Variants in FARP2 observed in about 807,000 individuals in gnomAD.
The protein encoded by FARP2 is FERM, ARH/RhoGEF and pleckstrin domain protein 2.
FARP2 carries 111 observed loss-of-function variants against 130.5 expected under a neutral mutation model. The observed-to-expected ratio is 0.85, with a 90% confidence interval of 0.73 to 1.00. The LOEUF (loss-of-function observed/expected upper bound fraction) is 1.00. FARP2 is among the 50% of genes least tolerant of loss of function. FARP2 has a pLI of 0.00. For missense variants in FARP2, 1,385 were observed against 1,346.3 expected, an observed-to-expected ratio of 1.03 and a Z score of -0.45; for synonymous variants, 504 against 516.9, an observed-to-expected ratio of 0.98 and a Z score of 0.34.
At chr2:241,363,835 C>G (rs935370812) in intron 1 of FARP2, among the ~76,000 whole-genome samples, 1 of 152,214 alleles carries the variant, frequency 6.6e-6, no homozygotes. Context: ...TCAAGAGTCT[C>G]TAAGAGTGTG....
intron 13 of FARP2, chr2:241,445,244 C>CA (rs35639773): frequency 0.36 from 36,903 of 103,082 alleles, 6,561 homozygotes; most frequent in South Asian, 0.51. Flanking sequence ...GGCCCTGTCT[C>CA]AAAAAAAAAA....
At chr2:241,411,241 A>G (rs1032332171) in intron 6 of FARP2, 111 bp downstream of exon 6, 6 of 724,038 alleles carry the variant, frequency 8.3e-6, no homozygotes, top group East Asian at 2.8e-5. Flanking sequence ...GAGCCTGACC[A>G]TAGAATGAGG....
intron 18 of FARP2, 119 bp downstream of exon 18, chr2:241,468,496 G>C (rs1229127005): frequency 9.7e-6 from 7 of 724,124 alleles, no homozygotes; most frequent in Non-Finnish European, 1.2e-5. Context: ...ACCCCATTAG[G>C]GCCTGGACCA....
chr2:241,380,255 C>G (rs766779108), intron 2 of FARP2, among the ~76,000 whole-genome samples: 6 of 152,182 alleles, frequency 3.9e-5, no homozygotes, highest in Non-Finnish European at 5.9e-5. Context: ...CACCTGGACT[C>G]GCACACCATT....
At chr2:241,460,600 T>C (rs898475472) in intron 14 of FARP2, among the ~76,000 whole-genome samples, 1 of 152,100 alleles carries the variant, frequency 6.6e-6, no homozygotes, top group African/African-American at 2.4e-5. Context: ...TGTAAAGAGA[T>C]TTTACTGAAT....
intron 2 of FARP2, among the ~76,000 whole-genome samples, chr2:241,387,721 A>G (rs1451371394): frequency 3.5e-5 from 5 of 143,048 alleles, no homozygotes; most frequent in African/African-American, 1.3e-4. Context: ...TGAACCCGGG[A>G]GGCGGAGCTT....
At chr2:241,456,489 C>T (rs943431623) in intron 13 of FARP2, 2 of 408,794 alleles carry the variant, frequency 4.9e-6, no homozygotes, top group Non-Finnish European at 8.7e-6. Context: ...TATCCAGGCC[C>T]CCCTAGAGTC....
intron 19 of FARP2, among the ~76,000 whole-genome samples, chr2:241,481,078 A>G (rs1429688615): frequency 6.9e-6 from 1 of 145,574 alleles, no homozygotes; most frequent in Non-Finnish European, 1.5e-5. Flanking sequence ...AAAAAAAAAA[A>G]AAATTCCTGG....
At chr2:241,461,447 T>A (rs574264626) in intron 14 of FARP2, among the ~76,000 whole-genome samples, 4 of 152,280 alleles carry the variant, frequency 2.6e-5, no homozygotes, top group African/African-American at 9.6e-5. Context: ...ACCAATAGCC[T>A]GTCTATTCCC....
At position 241,413,347 on chromosome 2, in the gene FARP2, C is replaced by T. The variant is rs145520990; in HGVS notation, c.549C>T (p.His183=). 6.2e-7 allele frequency: 1 copy of T among 1,612,326 alleles called. No homozygotes were observed. The highest frequency in any genetic ancestry group is 1.3e-5 in the African/African-American group (1 of 74,874). The part of the protein sequence containing the change: ...GDYDETLDRE[H]LKVNEYLPGQ... ...ACGATGAAACGCTGGACCGAGAGCA[C>T]CTCAAAGTGAACGAGTATTTGCCTG... Residue 183 remains histidine (H), a synonymous_variant, in exon 7 of 27, where the codon CAC becomes CAT. Transcript: ENST00000264042.
intron 8 of FARP2, among the ~76,000 whole-genome samples, chr2:241,425,354 T>TTA (rs1236435976): frequency 6.6e-6 from 1 of 151,952 alleles, no homozygotes; most frequent in Non-Finnish European, 1.5e-5. Context: ...ACTGAAAAGC[T>TTA]TATGCACAGC....
intron 17 of FARP2, among the ~76,000 whole-genome samples, chr2:241,464,493 A>G (rs1006770859): frequency 1.7e-5 from 2 of 118,134 alleles, no homozygotes; most frequent in Non-Finnish European, 3.8e-5. Flanking sequence ...AACAGAGTCC[A>G]TCTCAGAACA....
intron 1 of FARP2, among the ~76,000 whole-genome samples, chr2:241,361,612 G>C (rs540294181): frequency 6.6e-6 from 1 of 152,144 alleles, no homozygotes; most frequent in Non-Finnish European, 1.5e-5. Context: ...ACTCTGCTTA[G>C]GGCCTTTCTC....
intron 1 of FARP2, among the ~76,000 whole-genome samples, chr2:241,362,496 G>C (rs1291501527): frequency 2.6e-5 from 4 of 152,032 alleles, no homozygotes; most frequent in Admixed American, 2.6e-4. Flanking sequence ...CAACTACTCG[G>C]GAGGCTGAGG....
chr2:241,466,048 T>C lies in FARP2; in HGVS notation c.1893+2068T>C, dbSNP rs1427896352. The stretch of plus-strand genomic sequence containing the variant: ...GATCCAGATTATCATACTGTAGTCA[T>C]CTTTAATGTTCATTAAAACAAAGGG... On this transcript the variant is annotated intron_variant, in intron 17 of 26. Transcript: ENST00000264042. 5.7e-6 allele frequency: 7 copies of C among 1,225,514 alleles called. No individual in the cohort carries two copies. In the African/African-American group the frequency reaches 1.1e-4, roughly 19 times the overall value. The allele number at this position is 1,225,514 out of a possible 1,614,324, so 75.9% of individuals were successfully genotyped here.
intron 13 of FARP2, among the ~76,000 whole-genome samples, chr2:241,453,478 C>CGGGTGT (rs2063735015): frequency 6.6e-6 from 1 of 151,464 alleles, no homozygotes; most frequent in Non-Finnish European, 1.5e-5. Flanking sequence ...AAAAATTAGC[C>CGGGTGT]AGGCATGGTG....
At chr2:241,455,120 A>G (rs1219338665) in intron 13 of FARP2, among the ~76,000 whole-genome samples, 1 of 152,228 alleles carries the variant, frequency 6.6e-6, no homozygotes, top group African/African-American at 2.4e-5. Context: ...GGTTAAGTGA[A>G]CCAAGTTTGG....
At chr2:241,478,854 C>T in intron 19 of FARP2, 1 of 382,560 alleles carries the variant, frequency 2.6e-6, no homozygotes, top group Non-Finnish European at 5.1e-6. Flanking sequence ...AGCAATGGCT[C>T]TTCTTACAAC....
chr2:241,466,737 GC>G (rs1311335718), intron 17 of FARP2: 6 of 371,656 alleles, frequency 1.6e-5, no homozygotes, highest in Non-Finnish European at 2.2e-5. Flanking sequence ...GGCTTCCAGA[GC>G]TTTTACACCT....
Sources: allele counts gnomAD v4.1 joint callset (sites outside exome capture counted in the v4.1 genomes callset), GRCh38; gene constraint gnomAD v4.1.1; transcripts MANE v1.5; gene names NCBI Gene and HGNC (gene_info 2026-07-23, HGNC 2026-07-21).